The following TRIM58 variants were observed in gnomAD, a reference collection of about 807,000 sequenced individuals.
TRIM58 encodes the protein E3 ubiquitin-protein ligase TRIM58.
Under a neutral mutation model 34.1 loss-of-function variants are expected in TRIM58, and 38 were observed. The ratio of observed to expected loss-of-function variants is 1.12; its 90% CI spans 0.86 to 1.46. TRIM58 has a LOEUF of 1.46. Ranked by LOEUF, TRIM58 falls within the 40% of genes most tolerant of loss-of-function variation. The pLI is 0.00. For synonymous variants in TRIM58, 273 were observed against 275.7 expected (o/e 0.99, Z 0.10); for missense variants, 677 against 642.0 (o/e 1.05, Z -0.59).
rs554522247 is a variant in TRIM58 at position 247,857,550 on chromosome 1, G to A, written c.304G>A (p.Asp102Asn). ...GCGGCGATGCGCGCGGCACGGCGAG[G>A]ACCTGAGCCGCTTCTGCGAGGAGGA... ...GARRCARHGE[D>N]LSRFCEEDEA... The change falls in exon 1 of 6, where the codon GAC becomes AAC. Residue 102 changes from aspartate (D) to asparagine (N), a missense_variant. By Grantham distance (23) the Asp-to-Asn change is conservative (BLOSUM62 1). Transcript: ENST00000366481. 3,239 of 1,273,584 alleles carry A rather than the reference G, an allele frequency of 2.5e-3. 79 individuals are homozygous for A. In the African/African-American group the frequency reaches 0.045, roughly 18 times the overall value. The allele number at this position is 1,273,584 out of a possible 1,614,324, so 78.9% of individuals were successfully genotyped here. A position where few individuals can be genotyped will look rare whatever the true frequency, so the allele number is the denominator to read the frequency against.
At position 247,877,787 on chromosome 1, in the gene TRIM58, A is replaced by G. The variant is rs1191307125; in HGVS notation, c.*1298A>G. On this transcript the variant is annotated 3_prime_UTR_variant, in exon 6 of 6. Coordinates refer to ENST00000366481, the MANE Select transcript of TRIM58 (RefSeq NM_015431.4). ...ATAATATTTAACTTATTTTTAAAGT[A>G]TATTCTGTACCTTTCCAACAAAAAG... The G allele has an allele frequency of 6.6e-5, 10 of 152,168 alleles. No individual in the cohort carries two copies. The highest frequency in any genetic ancestry group is 5.9e-4 in the Admixed American group (9 of 15,268). The allele number at this position is 152,168 out of a possible 1,614,324, so 9.4% of individuals were successfully genotyped here. A position where few individuals can be genotyped will look rare whatever the true frequency, so the allele number is the denominator to read the frequency against.
chr1:247,879,774 C>T lies in TRIM58; in HGVS notation c.*3285C>T, dbSNP rs942700501. ...TGACATTCCCTTTTCCCTGATATCC[C>T]CTTGACTCATTATTCCCTTTCTTCC... On this transcript the variant is annotated 3_prime_UTR_variant, in exon 6 of 6. Transcript: ENST00000366481. Among the ~76,000 whole-genome samples, 2 of 151,370 alleles carry T rather than the reference C, an allele frequency of 1.3e-5. No individual in the cohort carries two copies. The highest frequency in any genetic ancestry group is 4.9e-5 in the African/African-American group (2 of 41,176).
chr1:247,861,268 G>A (rs1663787445), intron 2 of TRIM58, among the ~76,000 whole-genome samples: 1 of 151,166 alleles, frequency 6.6e-6, no homozygotes, highest in Non-Finnish European at 1.5e-5. Context: ...TACACACACA[G>A]TGATTCACAT....
Position 247,857,428 on chromosome 1 carries a change from G to T in TRIM58, c.182G>T (p.Arg61Leu), listed in dbSNP as rs776774353. The T allele has an allele frequency of 4.8e-6, 7 of 1,468,054 alleles. No homozygotes were observed. The highest frequency in any genetic ancestry group is 6.3e-6 in the Non-Finnish European group (7 of 1,104,074). The allele number at this position is 1,468,054 out of a possible 1,614,324, so 90.9% of individuals were successfully genotyped here. A position where few individuals can be genotyped will look rare whatever the true frequency, so the allele number is the denominator to read the frequency against. ...QGGVYACPQC[R>L]GPFRPSGFRP... ...GGCGTCTACGCCTGTCCGCAGTGCC[G>T]GGGCCCCTTCCGGCCCTCGGGCTTT... Residue 61 changes from arginine to leucine, a missense_variant, in exon 1 of 6, where the codon CGG becomes CTG. Physicochemically the swap from Arg to Leu is moderately radical, Grantham distance 102. Transcript: ENST00000366481.
At position 247,876,705 on chromosome 1, in the gene TRIM58, CCT is replaced by C; in HGVS notation, c.*219_*220del. On this transcript the variant is annotated 3_prime_UTR_variant, in exon 6 of 6. Coordinates refer to ENST00000366481, the MANE Select transcript of TRIM58 (RefSeq NM_015431.4). ...AATTTTGTAAATGGAGCAATCTCAA[CCT>C]CTATTTCTAGATCACATTTTCTTGA... 1.9e-6 allele frequency: 1 copy of C among 535,218 alleles called. No homozygotes were observed. The allele number at this position is 535,218 out of a possible 1,614,324, so 33.2% of individuals were successfully genotyped here.
chr1:247,871,417 A>G (rs1028207916), intron 5 of TRIM58, among the ~76,000 whole-genome samples: 8 of 152,196 alleles, frequency 5.3e-5, no homozygotes, highest in Non-Finnish European at 8.8e-5. Flanking sequence ...GTTTAGTCTG[A>G]TTGTATTATT....
intron 1 of TRIM58, 146 bp from the exon 2 acceptor site, chr1:247,860,471 C>A: frequency 1.7e-6 from 1 of 583,254 alleles, no homozygotes; most frequent in Non-Finnish European, 3.0e-6. Flanking sequence ...AACTTAAGTA[C>A]ATTTATGTTT....
In TRIM58 at chr1:247,876,060, G is replaced by A. The variant is rs1352120275; in HGVS notation, c.1032G>A (p.Gly344=). ...TGGGTTTGCAGAGCTTCTCATCAGG[G>A]AGGCATTACTGGGAGGTTCTGGTGG... ...CILGLQSFSS[G]RHYWEVLVGE... is the part of the protein sequence containing the mutation. Residue 344 remains glycine, a synonymous_variant, in exon 6 of 6, where the codon GGG becomes GGA. Coordinates refer to ENST00000366481, the MANE Select transcript of TRIM58 (RefSeq NM_015431.4). The A allele has an allele frequency of 6.2e-7, 1 of 1,614,222 alleles. No homozygotes were observed. Among genetic ancestry groups the A allele is most frequent in the Non-Finnish European group, 8.5e-7 (1 of 1,180,038 alleles).
chr1:247,868,167 T>G (rs1257110137), intron 5 of TRIM58, 104 bp downstream of exon 5: 1 of 972,416 alleles, frequency 1.0e-6, no homozygotes, highest in Admixed American at 2.2e-5. Context: ...GGGGTTTGCC[T>G]CGTATTGTGG....
rs147052726 is a variant in TRIM58 at position 247,864,806 on chromosome 1, G to A, written c.618G>A (p.Ala206=). The change falls in exon 3 of 6, where the codon GCG becomes GCA. Residue 206 remains alanine, a synonymous_variant. Coordinates refer to ENST00000366481, the MANE Select transcript of TRIM58 (RefSeq NM_015431.4). ...EEQRQLRRLE[A]EERATLQRLR... ...AACGGCAGCTGAGGCGGCTGGAGGC[G>A]GAGGAGCGAGCGACGCTGCAGAGAC... 15 of 1,613,884 alleles carry A rather than the reference G, an allele frequency of 9.3e-6. No homozygotes were observed. The highest frequency in any genetic ancestry group is 4.0e-5 in the African/African-American group (3 of 74,932).
At chr1:247,873,299 G>A (rs961408309) in intron 5 of TRIM58, among the ~76,000 whole-genome samples, 1 of 152,146 alleles carries the variant, frequency 6.6e-6, no homozygotes, top group Non-Finnish European at 1.5e-5. Flanking sequence ...GACATGCGCA[G>A]TTTGGTTGGG....
chr1:247,869,859 A>C (rs1298263701), intron 5 of TRIM58, among the ~76,000 whole-genome samples: 1 of 152,232 alleles, frequency 6.6e-6, no homozygotes, highest in Admixed American at 6.5e-5. Context: ...ATCGCAGGAG[A>C]GTAATGACCC....
At chr1:247,861,288 C>G (rs1308917506) in intron 2 of TRIM58, among the ~76,000 whole-genome samples, 2 of 152,082 alleles carry the variant, frequency 1.3e-5, no homozygotes, top group Non-Finnish European at 2.9e-5. Context: ...TACACACACA[C>G]ACACAGTGAT....
chr1:247,873,964 TC>T (rs1167814938), intron 5 of TRIM58, among the ~76,000 whole-genome samples: 1 of 141,800 alleles, frequency 7.1e-6, no homozygotes, highest in Non-Finnish European at 1.5e-5. Flanking sequence ...AGACTCCGTT[TC>T]AAAAAAAAAA....
At chr1:247,860,975 T>A (rs1316872424) in intron 2 of TRIM58, among the ~76,000 whole-genome samples, 1 of 152,218 alleles carries the variant, frequency 6.6e-6, no homozygotes, top group Non-Finnish European at 1.5e-5. Context: ...AACCCACTGC[T>A]GTATCCCTGT....
rs4925574 is a variant in TRIM58 at position 247,876,716 on chromosome 1, A to G, written c.*227A>G. 0.26 allele frequency: 129,928 copies of G among 502,332 alleles called. 18,322 individuals carry two copies. The highest frequency in any genetic ancestry group is 0.35 in the East Asian group (10,938 of 31,438). 31.1% of individuals were successfully genotyped at this position (502,332 alleles called of 1,614,324 possible). ...TGGAGCAATCTCAACCTCTATTTCT[A>G]GATCACATTTTCTTGATGTCTTCCT... On this transcript the variant is annotated 3_prime_UTR_variant, in exon 6 of 6. Transcript: ENST00000366481.
In TRIM58 at chr1:247,864,658, C is replaced by T. The variant is rs77620393; in HGVS notation, c.517-47C>T. ...TTCTCCAGCACTGTCCTGTACATGG[C>T]TGCTGGAGGCCAAGCACTGACGATG... On this transcript the variant is annotated intron_variant, in intron 2 of 5. Coordinates refer to ENST00000366481, the MANE Select transcript of TRIM58 (RefSeq NM_015431.4). The T allele has an allele frequency of 1.0e-2, 15,873 of 1,589,940 alleles. 970 individuals carry two copies. The African/African-American group carries it at 0.16, about 16-fold the overall frequency.
Position 247,866,854 on chromosome 1 carries a change from T to C in TRIM58, c.748-991T>C, listed in dbSNP as rs78749312. On this transcript the variant is annotated intron_variant, in intron 3 of 5. Coordinates refer to ENST00000366481, the MANE Select transcript of TRIM58 (RefSeq NM_015431.4). ...TATACTTTCCTTTCCCTTTCTTCCCTGGTACTAATAAGCTACATTTTACCC... is the reference window on the plus strand; with the variant it reads ...TATACTTTCCTTTCCCTTTCTTCCCCGGTACTAATAAGCTACATTTTACCC... 2.6e-3 allele frequency among the ~76,000 whole-genome samples: 402 copies of C among 152,272 alleles called. 4 individuals are homozygous for C. The highest frequency in any genetic ancestry group is 0.02 in the East Asian group (105 of 5,184).
chr1:247,873,437 G>A (rs1191015183), intron 5 of TRIM58, among the ~76,000 whole-genome samples: 3 of 152,128 alleles, frequency 2.0e-5, no homozygotes, highest in South Asian at 2.1e-4. Flanking sequence ...CCACTGTGCC[G>A]GAAGAGGAAT....
Sources: gnomAD v4.1 joint callset for allele counts (sites outside exome capture counted in the v4.1 genomes callset) on GRCh38, gnomAD v4.1.1 for gene constraint, MANE v1.5 for transcripts, NCBI Gene and HGNC (gene_info 2026-07-23, HGNC 2026-07-21) for gene names.